GANC: variants seen among roughly 807,000 people sequenced by gnomAD.
GANC encodes glucosidase alpha, neutral C, also known as neutral alpha-glucosidase C.
GANC carries 117 observed loss-of-function variants against 124.2 expected under a neutral mutation model. That is an observed-to-expected ratio of 0.94 (90% CI 0.81 to 1.10). GANC has a LOEUF of 1.10. GANC is among the 50% of genes least tolerant of loss of function. GANC has a pLI of 0.00. For synonymous variants in GANC, 377 were observed against 376.8 expected, an observed-to-expected ratio of 1.00 and a Z score of -0.01; for missense variants, 1,140 against 1,095.0, an observed-to-expected ratio of 1.04 and a Z score of -0.58.
intron 1 of GANC, among the ~76,000 whole-genome samples, chr15:42,274,960 C>T (rs16972973): frequency 0.01 from 1,570 of 152,250 alleles, 25 homozygotes; most frequent in African/African-American, 0.035. Flanking sequence ...ACTCTTAACA[C>T]GTGAATTTCA....
intron 10 of GANC, among the ~76,000 whole-genome samples, chr15:42,313,088 T>C (rs2052069001): frequency 6.6e-6 from 1 of 152,234 alleles, no homozygotes; most frequent in South Asian, 2.1e-4. Context: ...GCTTTGTCCA[T>C]GTCACCATTA....
At chr15:42,323,764 A>C (rs1416772240) in intron 11 of GANC, among the ~76,000 whole-genome samples, 2 of 152,110 alleles carry the variant, frequency 1.3e-5, no homozygotes, top group Non-Finnish European at 2.9e-5. Context: ...GAGGCTCCCA[A>C]AGTGCTGGGG....
intron 3 of GANC, among the ~76,000 whole-genome samples, chr15:42,279,488 G>A (rs945070037): frequency 7.2e-5 from 11 of 152,208 alleles, no homozygotes; most frequent in African/African-American, 2.7e-4. Context: ...TTTTTGCCTA[G>A]TGAGAGGGTT....
intron 10 of GANC, among the ~76,000 whole-genome samples, chr15:42,315,026 A>G (rs898504136): frequency 1.1e-4 from 16 of 152,206 alleles, no homozygotes; most frequent in African/African-American, 1.7e-4. Flanking sequence ...TAGGTAATCA[A>G]CTTGGATAAT....
Position 42,352,204 on chromosome 15 carries a change from T to G in GANC, c.*65T>G. On this transcript the variant is annotated 3_prime_UTR_variant, in exon 24 of 24. Transcript: ENST00000318010. Reference sequence around the variant, plus strand: ...GCCCCTTTCAACCTTTCCCCTCACCTTTTTTGAGATTTTTGCTGCAATCTG... The same window carrying G: ...GCCCCTTTCAACCTTTCCCCTCACCGTTTTTGAGATTTTTGCTGCAATCTG... 1.3e-6 allele frequency: 2 copies of G among 1,582,568 alleles called. No individual in the cohort carries two copies. Among genetic ancestry groups the G allele is most frequent in the Non-Finnish European group, 8.6e-7 (1 of 1,161,944 alleles).
In GANC at chr15:42,353,447, G is replaced by A. The variant is rs1283546178; in HGVS notation, c.*1308G>A. 4 of 933,924 alleles carry A rather than the reference G, an allele frequency of 4.3e-6. No individual in the cohort carries two copies. Among genetic ancestry groups the A allele is most frequent in the Non-Finnish European group, 5.1e-6 (4 of 783,342 alleles). 57.9% of individuals were successfully genotyped at this position (933,924 alleles called of 1,614,324 possible). A position where few individuals can be genotyped will look rare whatever the true frequency, so the allele number is the denominator to read the frequency against. ...CAGTGATTTTGCCCTTCCCCGTAAT[G>A]CTGTCCCACTTATAACTGTGCTCTA... is the stretch of plus-strand genomic sequence containing the variant. On this transcript the variant is annotated 3_prime_UTR_variant, in exon 24 of 24. Transcript: ENST00000318010.
chr15:42,307,350 T>TC (rs1256074881), intron 7 of GANC, among the ~76,000 whole-genome samples: 1 of 151,140 alleles, frequency 6.6e-6, no homozygotes, highest in Non-Finnish European at 1.5e-5. Context: ...TTTTTTTTTT[T>TC]TGAGGCAGGT....
chr15:42,283,904 C>T (rs767473178), intron 3 of GANC: 11 of 702,480 alleles, frequency 1.6e-5, no homozygotes, highest in African/African-American at 3.5e-5. Context: ...CAGTGCCCAG[C>T]GTGAGGTTGC....
chr15:42,280,651 G>A (rs2051722711), intron 3 of GANC, among the ~76,000 whole-genome samples: 1 of 152,132 alleles, frequency 6.6e-6, no homozygotes, highest in Admixed American at 6.5e-5. Flanking sequence ...TGTCTAACCT[G>A]AGAGAGTTGT....
At chr15:42,291,795 A>G (rs56211208) in intron 4 of GANC, among the ~76,000 whole-genome samples, 6,765 of 152,242 alleles carry the variant, frequency 0.044, 216 homozygotes, top group Middle Eastern at 0.099. Flanking sequence ...GGTGGGGTGC[A>G]TTAGACTGAC....
At chr15:42,319,426 C>T (rs1479946492) in intron 10 of GANC, among the ~76,000 whole-genome samples, 1 of 152,058 alleles carries the variant, frequency 6.6e-6, no homozygotes, top group Non-Finnish European at 1.5e-5. Flanking sequence ...CTCACTGCAG[C>T]CTCTAGCTCC....
At chr15:42,329,234 G>T (rs1172712601) in intron 13 of GANC, 72 bp from the exon 14 acceptor site, 2 of 1,429,372 alleles carry the variant, frequency 1.4e-6, no homozygotes, top group African/African-American at 2.9e-5. Flanking sequence ...TTTAAAATGA[G>T]GTAGCAATGG....
intron 5 of GANC, among the ~76,000 whole-genome samples, chr15:42,294,044 C>CT (rs1453620270): frequency 1.1e-4 from 17 of 151,708 alleles, no homozygotes; most frequent in African/African-American, 4.1e-4. Context: ...GAGCGAGATT[C>CT]TGTCTCAAAA....
At chr15:42,308,636 A>G (rs1412382083) in intron 8 of GANC, among the ~76,000 whole-genome samples, 2 of 152,132 alleles carry the variant, frequency 1.3e-5, no homozygotes, top group African/African-American at 4.8e-5. Context: ...GGCACCTGTC[A>G]CCACGCCTGG....
At position 42,329,415 on chromosome 15, in the gene GANC, A is replaced by C. The variant is rs758338256; in HGVS notation, c.1610A>C (p.His537Pro). The C allele has an allele frequency of 9.3e-6, 15 of 1,613,672 alleles. No homozygotes were observed. The highest frequency in any genetic ancestry group is 5.5e-5 in the South Asian group (5 of 90,994). Residue 537 changes from histidine to proline, a missense_variant, in exon 14 of 24, where the codon CAC becomes CCC. Physicochemically the swap from His to Pro is moderately conservative, Grantham distance 77. Transcript: ENST00000318010. ...GCCATTCATCATGGCAATTGGGAGC[A>C]CAGAGAGCTCCACAACATCTACGGT... is the stretch of plus-strand genomic sequence containing the variant. ...KNAIHHGNWE[H>P]RELHNIYGFY... is the part of the protein sequence containing the mutation.
At position 42,351,420 on chromosome 15, in the gene GANC, A is replaced by G. The variant is rs147480420; in HGVS notation, c.2623A>G (p.Thr875Ala). Reference protein sequence around the residue: ...GFRKEPSSVTTHSSDGKDQPV... With the variant: ...GFRKEPSSVTAHSSDGKDQPV... ...CAGGAAGGAGCCATCTTCTGTGACT[A>G]CCCACTCATCTGGTGAGAAAGCAGT... Residue 875 changes from threonine to alanine, a missense_variant, in exon 23 of 24, where the codon ACC becomes GCC. Transcript: ENST00000318010. 6.2e-6 allele frequency: 10 copies of G among 1,611,504 alleles called. No homozygotes were observed. In the African/African-American group the frequency reaches 1.1e-4, roughly 17 times the overall value.
chr15:42,281,915 A>G (rs2051737789), intron 3 of GANC, among the ~76,000 whole-genome samples: 1 of 151,736 alleles, frequency 6.6e-6, no homozygotes, highest in Non-Finnish European at 1.5e-5. Context: ...GGCCAGGTGC[A>G]GTGGCTCATG....
intron 6 of GANC, among the ~76,000 whole-genome samples, chr15:42,299,549 C>A (rs759958518): frequency 5.3e-5 from 8 of 152,146 alleles, no homozygotes; most frequent in East Asian, 1.9e-4. Flanking sequence ...TTTATAGATT[C>A]AATGCTATTC....
intron 18 of GANC, 87 bp downstream of exon 18, chr15:42,340,841 A>C: frequency 7.7e-6 from 8 of 1,034,018 alleles, no homozygotes; most frequent in South Asian, 1.4e-5. Flanking sequence ...ATCTCGGCTC[A>C]CTGCAACCTC....
Sources: gnomAD v4.1 joint callset for allele counts (sites outside exome capture counted in the v4.1 genomes callset) on GRCh38, gnomAD v4.1.1 for gene constraint, MANE v1.5 for transcripts, NCBI Gene and HGNC (gene_info 2026-07-23, HGNC 2026-07-21) for gene names.